The following FGF14 variants were observed in gnomAD, a reference collection of about 807,000 sequenced individuals.
FGF14 encodes the protein fibroblast growth factor homologous factor 4.
Under a neutral mutation model 25.5 loss-of-function variants are expected in FGF14, and 5 were observed. The ratio of observed to expected loss-of-function variants is 0.20; its 90% CI spans 0.10 to 0.41. The LOEUF (loss-of-function observed/expected upper bound fraction) is 0.41. Among genes scored for constraint, FGF14 ranks in the 10% least tolerant of loss-of-function variants. FGF14 has a pLI of 1.00. For synonymous variants in FGF14, 138 were observed against 118.3 expected (o/e 1.17, Z -1.08); for missense variants, 222 against 320.1 (o/e 0.69, Z 2.34).
At chr13:102,161,627 AGAAGAAGAAGAAGAAGAAGAAG>A (rs2047706365) in intron 1 of FGF14, among the ~76,000 whole-genome samples, 1 of 20,848 alleles carries the variant, frequency 4.8e-5, no homozygotes, top group Non-Finnish European at 7.4e-5. Flanking sequence ...AAGAAGAAGA[AGAAGAAGAAGAAGAAGAAGAAG>A]AAGAAGAAGA....
At chr13:102,131,485 C>T (rs2046193778) in intron 1 of FGF14, among the ~76,000 whole-genome samples, 2 of 152,196 alleles carry the variant, frequency 1.3e-5, no homozygotes, top group Admixed American at 1.3e-4. Flanking sequence ...CCCTCCCCAG[C>T]CTGGTCTGCT....
intron 3 of FGF14, among the ~76,000 whole-genome samples, chr13:101,795,717 T>C (rs901417772): frequency 1.3e-5 from 2 of 152,060 alleles, no homozygotes; most frequent in East Asian, 1.9e-4. Context: ...TACTCAACCA[T>C]AGTACAGGAA....
chr13:101,897,247 T>G (rs1456684368), intron 1 of FGF14, among the ~76,000 whole-genome samples: 3 of 152,176 alleles, frequency 2.0e-5, no homozygotes, highest in Admixed American at 2.0e-4. Flanking sequence ...TCATTCAAGT[T>G]TTACTTGTGA....
chr13:102,140,723 C>T (rs2046611190), intron 1 of FGF14, among the ~76,000 whole-genome samples: 1 of 152,096 alleles, frequency 6.6e-6, no homozygotes, highest in Admixed American at 6.6e-5. Flanking sequence ...GAGGAGACTC[C>T]CTGACCCTTT....
upstream of FGF14, among the ~76,000 whole-genome samples, chr13:101,917,829 C>T (rs748484409): frequency 6.6e-6 from 1 of 152,180 alleles, no homozygotes; most frequent in African/African-American, 2.4e-5. Context: ...ATATGCTCCC[C>T]AGCCCTGGGA....
intron 1 of FGF14, among the ~76,000 whole-genome samples, chr13:102,276,298 T>TACACACACACACACACACACACACAC (rs57994075): frequency 8.5e-6 from 1 of 118,298 alleles, no homozygotes; most frequent in Non-Finnish European, 1.7e-5. Flanking sequence ...AACTTGGAAA[T>TACACACACACACACACACACACACAC]ACACACACAC....
intron 1 of FGF14, among the ~76,000 whole-genome samples, chr13:101,911,280 T>C (rs1281127566): frequency 6.6e-6 from 1 of 152,144 alleles, no homozygotes; most frequent in Non-Finnish European, 1.5e-5. Flanking sequence ...AAGCCCGTAA[T>C]TGATTACGGT....
In FGF14 at chr13:102,352,218, A is replaced by C. The variant is rs1329829113; in HGVS notation, c.208+49253T>G. Among the ~76,000 whole-genome samples the C allele has an allele frequency of 2.7e-5, 4 of 150,450 alleles. No individual in the cohort carries two copies. In the Admixed American group the frequency reaches 2.7e-4, roughly 10 times the overall value. ...GATTTCATCATTATAAAATACCCAA[A>C]CAACCACAATATCTGTACCTTTATA... On this transcript the variant is annotated intron_variant, in intron 1 of 4. Transcript: ENST00000376131.
chr13:101,960,386 G>T (rs755757427), intron 1 of FGF14, among the ~76,000 whole-genome samples: 6 of 152,138 alleles, frequency 3.9e-5, no homozygotes, highest in Non-Finnish European at 8.8e-5. Flanking sequence ...GCCCCAATGT[G>T]TGATCTGTTC....
At chr13:102,017,231 A>G (rs2040395466) in intron 1 of FGF14, among the ~76,000 whole-genome samples, 1 of 152,082 alleles carries the variant, frequency 6.6e-6, no homozygotes. Flanking sequence ...TGGGGGAGAA[A>G]AGCATATTGT....
chr13:101,885,084 G>T (rs535485175), intron 1 of FGF14, among the ~76,000 whole-genome samples: 1 of 152,250 alleles, frequency 6.6e-6, no homozygotes, highest in Admixed American at 6.5e-5. Flanking sequence ...GAAACCTATT[G>T]CAGTCAAAAG....
intron 3 of FGF14, among the ~76,000 whole-genome samples, chr13:101,765,336 C>A (rs1349649774): frequency 6.6e-6 from 1 of 152,194 alleles, no homozygotes; most frequent in Non-Finnish European, 1.5e-5. Context: ...CAATTCAATG[C>A]AGACCCTTGC....
chr13:102,099,771 T>A (rs1033887033), intron 1 of FGF14, among the ~76,000 whole-genome samples: 1 of 152,056 alleles, frequency 6.6e-6, no homozygotes, highest in African/African-American at 2.4e-5. Context: ...TTAGTATTTA[T>A]TTAATAAAAT....
chr13:101,741,853 G>A (rs2036579521), intron 3 of FGF14, among the ~76,000 whole-genome samples: 1 of 152,142 alleles, frequency 6.6e-6, no homozygotes, highest in Middle Eastern at 3.2e-3. Context: ...GAGAAAAATT[G>A]AAAGTAAATT....
At chr13:102,276,298 TACACAC>T (rs57994075) in intron 1 of FGF14, among the ~76,000 whole-genome samples, 15,501 of 118,174 alleles carry the variant, frequency 0.13, 1,191 homozygotes, top group East Asian at 0.39. Flanking sequence ...AACTTGGAAA[TACACAC>T]ACACACACAC....
At chr13:102,306,065 C>T (rs192751694) in intron 1 of FGF14, among the ~76,000 whole-genome samples, 4 of 152,268 alleles carry the variant, frequency 2.6e-5, no homozygotes, top group Admixed American at 2.6e-4. Flanking sequence ...CGGAGAGGTA[C>T]CACTTTGATG....
chr13:101,782,632 A>C (rs1288563160), intron 3 of FGF14, among the ~76,000 whole-genome samples: 1 of 152,190 alleles, frequency 6.6e-6, no homozygotes, highest in Non-Finnish European at 1.5e-5. Context: ...AAGTGAGAAC[A>C]TGTGGTATTT....
At position 101,711,211 on chromosome 13, in the gene FGF14, T is replaced by A. The variant is rs139763420; in HGVS notation, c.*11620A>T. The A allele has an allele frequency of 4.0e-4, 61 of 152,372 alleles. No homozygotes were observed. The highest frequency in any genetic ancestry group is 1.4e-3 in the African/African-American group (58 of 41,590). 9.4% of individuals were successfully genotyped at this position (152,372 alleles called of 1,614,324 possible). A position where few individuals can be genotyped will look rare whatever the true frequency, so the allele number is the denominator to read the frequency against. ...AGACTACACAATTATATCTTTGCCT[T>A]GACTACTTCAAGCTAGATCCAGATA... On this transcript the variant is annotated 3_prime_UTR_variant, in exon 5 of 5. Coordinates refer to ENST00000376143, the MANE Select transcript of FGF14 (RefSeq NM_004115.4).
intron 1 of FGF14, among the ~76,000 whole-genome samples, chr13:102,131,830 C>T (rs937753664): frequency 4.6e-5 from 7 of 152,056 alleles, no homozygotes; most frequent in Admixed American, 1.3e-4. Context: ...CTGGTAATCA[C>T]GGAAACACAA....
Sources: gnomAD v4.1 joint callset for allele counts (sites outside exome capture counted in the v4.1 genomes callset) on GRCh38, gnomAD v4.1.1 for gene constraint, MANE v1.5 for transcripts, NCBI Gene and HGNC (gene_info 2026-07-23, HGNC 2026-07-21) for gene names.